The following PKIB variants were observed in gnomAD, a reference collection of about 807,000 sequenced individuals.
PKIB encodes PKI-beta.
A neutral mutation model predicts 4.5 loss-of-function variants in PKIB; 2 were observed. The ratio of observed to expected loss-of-function variants is 0.44; its 90% CI spans 0.18 to 1.39. The LOEUF is 1.39. PKIB is among the 40% of genes most tolerant of loss of function. PKIB has a pLI of 0.27. For missense variants in PKIB, 94 were observed against 92.6 expected (o/e 1.02, Z -0.06); for synonymous variants, 38 against 36.0 (o/e 1.06, Z -0.20).
intron 2 of PKIB, among the ~76,000 whole-genome samples, chr6:122,650,846 C>T (rs1776525767): frequency 1.3e-5 from 2 of 152,280 alleles, no homozygotes; most frequent in African/African-American, 2.4e-5. Flanking sequence ...CCCTCTCTAG[C>T]CTTTGGATAA....
At chr6:122,549,906 A>G (rs923766455) in intron 2 of PKIB, among the ~76,000 whole-genome samples, 4 of 146,592 alleles carry the variant, frequency 2.7e-5, no homozygotes, top group African/African-American at 7.5e-5. Flanking sequence ...ACACACACAC[A>G]CACATATATA....
chr6:122,670,498 T>TTCG (rs1554230067), intron 2 of PKIB, among the ~76,000 whole-genome samples: 3 of 151,110 alleles, frequency 2.0e-5, no homozygotes, highest in Non-Finnish European at 2.9e-5. Flanking sequence ...ATCACATGTT[T>TTCG]TTGTTGTTGT....
rs71021412 is a variant in PKIB at position 122,662,308 on chromosome 6, C to CTTTTTTTTTTTTTTTTTTTTTTTTTTTTT, written c.-75-12769_-75-12741dup. ...CTCTCCTTCTTTCTTTCCTTGTCTC[C>CTTTTTTTTTTTTTTTTTTTTTTTTTTTTT]TTTTTTTTTTTTTTTTTTTTTTTTT... On this transcript the variant is annotated intron_variant, in intron 2 of 4. Transcript: ENST00000368452. Among the ~76,000 whole-genome samples the CTTTTTTTTTTTTTTTTTTTTTTTTTTTTT allele has an allele frequency of 2.2e-3, 29 of 13,264 alleles. 6 individuals are homozygous for CTTTTTTTTTTTTTTTTTTTTTTTTTTTTT. Among genetic ancestry groups the CTTTTTTTTTTTTTTTTTTTTTTTTTTTTT allele is most frequent in the Admixed American group, 3.2e-3 (2 of 630 alleles). 8.7% of individuals were successfully genotyped at this position (13,264 alleles called of 152,430 possible). A position where few individuals can be genotyped will look rare whatever the true frequency, so the allele number is the denominator to read the frequency against.
At chr6:122,530,600 T>C (rs1347910606) in intron 2 of PKIB, among the ~76,000 whole-genome samples, 1 of 152,146 alleles carries the variant, frequency 6.6e-6, no homozygotes. Flanking sequence ...CCTATGAGCC[T>C]AGCTAGAAGT....
At chr6:122,491,570 G>A (rs867015856) in intron 2 of PKIB, among the ~76,000 whole-genome samples, 131 of 152,282 alleles carry the variant, frequency 8.6e-4, no homozygotes, top group African/African-American at 3.0e-3. Flanking sequence ...GAAGGGACGT[G>A]TGGCCTTGGG....
chr6:122,712,257 T>A (rs909513765), intron 3 of PKIB, among the ~76,000 whole-genome samples: 7 of 152,160 alleles, frequency 4.6e-5, no homozygotes, highest in Non-Finnish European at 8.8e-5. Flanking sequence ...TTGTAACTTG[T>A]GGGCCAGCAA....
intron 2 of PKIB, among the ~76,000 whole-genome samples, chr6:122,666,824 A>T (rs1341527261): frequency 2.0e-5 from 3 of 152,222 alleles, no homozygotes; most frequent in Non-Finnish European, 4.4e-5. Context: ...CTGTGAATCG[A>T]CTTAGTCAAC....
At chr6:122,572,137 G>A (rs907494280) in intron 2 of PKIB, among the ~76,000 whole-genome samples, 1 of 152,012 alleles carries the variant, frequency 6.6e-6, no homozygotes, top group African/African-American at 2.4e-5. Flanking sequence ...AAGCAAGCAG[G>A]AGTCACTATT....
At chr6:122,497,270 C>G (rs187817909) in intron 2 of PKIB, among the ~76,000 whole-genome samples, 220 of 152,286 alleles carry the variant, frequency 1.4e-3, no homozygotes, top group Middle Eastern at 0.01. Context: ...ACCATAAAAT[C>G]ACACTTAAGT....
At chr6:122,513,780 G>GA (rs1776660310) in intron 2 of PKIB, among the ~76,000 whole-genome samples, 1 of 152,116 alleles carries the variant, frequency 6.6e-6, no homozygotes, top group Admixed American at 6.6e-5. Flanking sequence ...GCCTCCAGCT[G>GA]TATCTATGTT....
intron 2 of PKIB, among the ~76,000 whole-genome samples, chr6:122,549,884 T>A (rs200009848): frequency 1.4e-5 from 2 of 145,904 alleles, no homozygotes; most frequent in African/African-American, 5.0e-5. Context: ...ATATATAATT[T>A]TATATATACA....
intron 2 of PKIB, among the ~76,000 whole-genome samples, chr6:122,521,805 A>G (rs538060825): frequency 1.3e-5 from 2 of 152,320 alleles, no homozygotes; most frequent in African/African-American, 4.8e-5. Flanking sequence ...TTCAAATGCC[A>G]AATGACCATA....
At chr6:122,563,637 C>T (rs550860105) in intron 2 of PKIB, among the ~76,000 whole-genome samples, 2 of 152,138 alleles carry the variant, frequency 1.3e-5, no homozygotes, top group African/African-American at 2.4e-5. Context: ...GGTCTTGCTG[C>T]GGCTGCTGTA....
At chr6:122,720,572 G>A (rs564372815) in intron 4 of PKIB, among the ~76,000 whole-genome samples, 32 of 152,096 alleles carry the variant, frequency 2.1e-4, no homozygotes, top group Middle Eastern at 3.4e-3. Context: ...AAGAGTTGGA[G>A]GAGTGAAAAT....
chr6:122,708,465 A>G (rs1333654355), intron 3 of PKIB, among the ~76,000 whole-genome samples: 1 of 152,154 alleles, frequency 6.6e-6, no homozygotes, highest in African/African-American at 2.4e-5. Flanking sequence ...TTTAGGGAGA[A>G]ATCTTCCTAT....
chr6:122,580,533 A>G (rs1773672054), intron 2 of PKIB, among the ~76,000 whole-genome samples: 1 of 152,126 alleles, frequency 6.6e-6, no homozygotes, highest in Non-Finnish European at 1.5e-5. Flanking sequence ...TTTCCTTAGC[A>G]TAATATTAAA....
chr6:122,597,588 T>C (rs1774217385), intron 3 of PKIB, among the ~76,000 whole-genome samples: 1 of 152,232 alleles, frequency 6.6e-6, no homozygotes, highest in Admixed American at 6.5e-5. Flanking sequence ...AATGGGGATG[T>C]GGTGGGAATC....
chr6:122,559,290 A>AAT (rs145816147), intron 2 of PKIB, among the ~76,000 whole-genome samples: 31 of 150,924 alleles, frequency 2.1e-4, no homozygotes, highest in African/African-American at 2.4e-4. Flanking sequence ...TTATATATAT[A>AAT]ATATATATAT....
chr6:122,705,333 A>G (rs1032198082), intron 3 of PKIB, among the ~76,000 whole-genome samples: 1 of 151,992 alleles, frequency 6.6e-6, no homozygotes, highest in African/African-American at 2.4e-5. Context: ...CTATTTGTCT[A>G]CCCTTGAGGA....
Sources: gnomAD v4.1 joint callset for allele counts (sites outside exome capture counted in the v4.1 genomes callset) on GRCh38, gnomAD v4.1.1 for gene constraint, MANE v1.5 for transcripts, NCBI Gene and HGNC (gene_info 2026-07-23, HGNC 2026-07-21) for gene names.